Variants in RMST observed in about 807,000 individuals in gnomAD.
The protein encoded by RMST is long intergenic non-protein coding RNA 54.
At chr12:97,511,063 T>G (rs890317571) in intron 10 of RMST, among the ~76,000 whole-genome samples, 4 of 152,210 alleles carry the variant, frequency 2.6e-5, no homozygotes, top group Non-Finnish European at 5.9e-5. Context: ...TATTTTTGTT[T>G]GAGACTGGAG....
intron 11 of RMST, among the ~76,000 whole-genome samples, chr12:97,544,618 A>G (rs539593073): frequency 1.3e-5 from 2 of 152,200 alleles, no homozygotes; most frequent in East Asian, 3.9e-4. Flanking sequence ...ATTGTAAATT[A>G]TGTTCATTAC....
chr12:97,538,648 G>GC (rs1432234770), intron 11 of RMST, among the ~76,000 whole-genome samples: 3 of 151,334 alleles, frequency 2.0e-5, no homozygotes, highest in Non-Finnish European at 3.0e-5. Context: ...ATTTTAAGAT[G>GC]CCACGAGCTA....
At chr12:97,464,405 T>G (rs1872936604) in intron 4 of RMST, among the ~76,000 whole-genome samples, 1 of 152,200 alleles carries the variant, frequency 6.6e-6, no homozygotes, top group Non-Finnish European at 1.5e-5. Flanking sequence ...AGGTCCCCAT[T>G]TACAAGATCC....
At chr12:97,527,675 C>T in intron 10 of RMST, among the ~76,000 whole-genome samples, 1 of 152,108 alleles carries the variant, frequency 6.6e-6, no homozygotes, top group Middle Eastern at 3.2e-3. Flanking sequence ...GTACGATCTA[C>T]AGGTCTAGTA....
chr12:97,524,077 A>AG lies in RMST; in HGVS notation n.1341-6578_1341-6577insG, dbSNP rs1565931305. Among the ~76,000 whole-genome samples the AG allele has an allele frequency of 4.6e-3, 145 of 31,720 alleles. 33 individuals carry two copies. The highest frequency in any genetic ancestry group is 0.027 in the East Asian group (27 of 1,010). The allele number at this position is 31,720 out of a possible 152,430, so 20.8% of individuals were successfully genotyped here. A position where few individuals can be genotyped will look rare whatever the true frequency, so the allele number is the denominator to read the frequency against. ...GGCAACAGAGTGAGACTCTGTCTCA[A>AG]AAAAAAAAAAAAAAAAAAAAAAAAA... On this transcript the variant is annotated intron_variant and non_coding_transcript_variant, in intron 10 of 13. Coordinates refer to ENST00000640149, the Ensembl canonical transcript of RMST.
At chr12:97,498,965 G>T (rs1325600759) in intron 10 of RMST, among the ~76,000 whole-genome samples, 1 of 152,166 alleles carries the variant, frequency 6.6e-6, no homozygotes. Context: ...CTGGCCTTCA[G>T]GAGCTCTCCT....
chr12:97,468,552 G>GT (rs1302335137), intron 5 of RMST, among the ~76,000 whole-genome samples: 1 of 151,916 alleles, frequency 6.6e-6, no homozygotes, highest in Admixed American at 6.6e-5. Context: ...AATTTCCTGT[G>GT]TTTTTCTGAC....
At chr12:97,512,773 C>T (rs918245683) in intron 10 of RMST, among the ~76,000 whole-genome samples, 57 of 152,252 alleles carry the variant, frequency 3.7e-4, no homozygotes, top group Admixed American at 7.2e-4. Flanking sequence ...GCCAATCCCG[C>T]GCCCTGCGCC....
intron 5 of RMST, among the ~76,000 whole-genome samples, chr12:97,489,167 C>T (rs1164089892): frequency 1.3e-5 from 2 of 152,098 alleles, no homozygotes; most frequent in Non-Finnish European, 2.9e-5. Flanking sequence ...ACTTTTAGGC[C>T]AGGCACAATG....
At chr12:97,551,380 C>T (rs546008731) in intron 11 of RMST, among the ~76,000 whole-genome samples, 1 of 152,166 alleles carries the variant, frequency 6.6e-6, no homozygotes, top group East Asian at 1.9e-4. Flanking sequence ...AAGGGAAATA[C>T]TTATTTGCCT....
chr12:97,470,223 G>A (rs923600928), intron 5 of RMST, among the ~76,000 whole-genome samples: 2 of 152,056 alleles, frequency 1.3e-5, no homozygotes, highest in Non-Finnish European at 1.5e-5. Flanking sequence ...GATGATTTGA[G>A]CGAGATAATG....
intron 11 of RMST, among the ~76,000 whole-genome samples, chr12:97,535,292 G>A (rs374044146): frequency 8.6e-4 from 130 of 151,698 alleles, no homozygotes; most frequent in African/African-American, 2.8e-3. Flanking sequence ...GTAGTGGTCT[G>A]TGGCCTATTT....
intron 10 of RMST, among the ~76,000 whole-genome samples, chr12:97,527,418 T>G (rs568633765): frequency 6.6e-6 from 1 of 152,304 alleles, no homozygotes; most frequent in African/African-American, 2.4e-5. Flanking sequence ...ATGTGGTGCT[T>G]GCATGTCCTA....
intron 10 of RMST, among the ~76,000 whole-genome samples, chr12:97,525,114 A>C (rs140278541): frequency 1.4e-3 from 213 of 152,322 alleles, no homozygotes; most frequent in African/African-American, 5.0e-3. Flanking sequence ...AAATGGCTTT[A>C]GAATTGTAGA....
At chr12:97,526,178 A>G (rs1881092918) in intron 10 of RMST, among the ~76,000 whole-genome samples, 1 of 152,024 alleles carries the variant, frequency 6.6e-6, no homozygotes. Flanking sequence ...ATCATCCTGA[A>G]ACCATCCCCC....
intron 10 of RMST, among the ~76,000 whole-genome samples, chr12:97,500,071 A>G (rs991913337): frequency 7.2e-5 from 11 of 152,170 alleles, no homozygotes; most frequent in Non-Finnish European, 1.2e-4. Flanking sequence ...AGGATGATCT[A>G]TCTTTTGACA....
At chr12:97,540,959 T>G (rs1225882267) in intron 11 of RMST, among the ~76,000 whole-genome samples, 1 of 150,764 alleles carries the variant, frequency 6.6e-6, no homozygotes, top group African/African-American at 2.4e-5. Flanking sequence ...TAGATATAGA[T>G]ATAGATATAG....
chr12:97,512,787 A>C (rs1377434673), intron 10 of RMST, among the ~76,000 whole-genome samples: 1 of 152,100 alleles, frequency 6.6e-6, no homozygotes, highest in Admixed American at 6.5e-5. Flanking sequence ...CTGCGCCTGC[A>C]CTCCTTAGCC....
intron 10 of RMST, among the ~76,000 whole-genome samples, chr12:97,509,780 G>A (rs1196442694): frequency 2.0e-5 from 3 of 152,210 alleles, no homozygotes; most frequent in Non-Finnish European, 4.4e-5. Context: ...AATGTAACTT[G>A]TTCAATTATA....
Sources: gnomAD v4.1 joint callset for allele counts (sites outside exome capture counted in the v4.1 genomes callset) on GRCh38, gnomAD v4.1.1 for gene constraint, MANE v1.5 for transcripts, NCBI Gene and HGNC (gene_info 2026-07-23, HGNC 2026-07-21) for gene names.